The following PIGL variants were observed in gnomAD, a reference collection of about 807,000 sequenced individuals.
The protein encoded by PIGL is N-acetylglucosaminyl-phosphatidylinositol de-N-acetylase.
PIGL carries 22 observed loss-of-function variants against 31.1 expected under a neutral mutation model. That is an observed-to-expected ratio of 0.71 (90% CI 0.51 to 1.01). The LOEUF is 1.01. Among genes scored for constraint, PIGL ranks in the 50% least tolerant of loss-of-function variants. The pLI, the probability that PIGL is intolerant of heterozygous loss-of-function variation, is 0.00. For missense variants in PIGL, 302 were observed against 315.9 expected, an observed-to-expected ratio of 0.96 and a Z score of 0.33; for synonymous variants, 131 against 117.4, an observed-to-expected ratio of 1.12 and a Z score of -0.75.
At chr17:16,245,546 C>T (rs2092741492) in intron 2 of PIGL, among the ~76,000 whole-genome samples, 1 of 150,264 alleles carries the variant, frequency 6.7e-6, no homozygotes, top group South Asian at 2.1e-4. Context: ...CTTGCTCTAT[C>T]GCCAGGCTGG....
At chr17:16,302,243 G>T (rs779265759) in intron 3 of PIGL, among the ~76,000 whole-genome samples, 2 of 152,076 alleles carry the variant, frequency 1.3e-5, no homozygotes, top group Non-Finnish European at 2.9e-5. Context: ...CCAGCAGCTT[G>T]CAGGCCCCAC....
At chr17:16,292,475 C>T (rs2092965190) in intron 2 of PIGL, among the ~76,000 whole-genome samples, 1 of 151,050 alleles carries the variant, frequency 6.6e-6, no homozygotes, top group African/African-American at 2.4e-5. Context: ...TAGCAGAGTT[C>T]TTACAAGAGA....
intron 2 of PIGL, among the ~76,000 whole-genome samples, chr17:16,261,244 G>A (rs184910827): frequency 4.5e-4 from 69 of 152,144 alleles, no homozygotes; most frequent in African/African-American, 1.5e-3. Flanking sequence ...AGGCTGTTGC[G>A]TTGCCTGCTG....
intron 2 of PIGL, among the ~76,000 whole-genome samples, chr17:16,272,752 G>C (rs1257184647): frequency 6.6e-6 from 1 of 152,126 alleles, no homozygotes; most frequent in Non-Finnish European, 1.5e-5. Context: ...CCCCAATCCA[G>C]AAACCACTCT....
chr17:16,245,729 TAC>T (rs1190461155), intron 2 of PIGL, among the ~76,000 whole-genome samples: 1 of 150,586 alleles, frequency 6.6e-6, no homozygotes, highest in Non-Finnish European at 1.5e-5. Context: ...CATATATATA[TAC>T]ACACACACAT....
intron 6 of PIGL, among the ~76,000 whole-genome samples, chr17:16,320,229 G>GA (rs2093097775): frequency 1.6e-4 from 18 of 115,702 alleles, no homozygotes; most frequent in African/African-American, 6.3e-4. Context: ...AAGGAAGGAA[G>GA]GAAGGAAGGA....
At chr17:16,249,852 T>C (rs1471957118) in intron 2 of PIGL, among the ~76,000 whole-genome samples, 1 of 152,234 alleles carries the variant, frequency 6.6e-6, no homozygotes, top group Non-Finnish European at 1.5e-5. Flanking sequence ...CACAGGCCAG[T>C]ATCCTCTGGA....
At chr17:16,242,663 T>C (rs1483009675) in intron 2 of PIGL, among the ~76,000 whole-genome samples, 1 of 144,238 alleles carries the variant, frequency 6.9e-6, no homozygotes, top group African/African-American at 2.5e-5. Context: ...TTTTTTTTTT[T>C]TTTTTTTTGA....
intron 1 of PIGL, among the ~76,000 whole-genome samples, chr17:16,220,569 A>G (rs1464385429): frequency 3.4e-5 from 5 of 146,150 alleles, no homozygotes; most frequent in African/African-American, 1.3e-4. Context: ...GCTCACTGCA[A>G]CATCTGCCTC....
At chr17:16,269,590 G>A (rs957298188) in intron 2 of PIGL, among the ~76,000 whole-genome samples, 3 of 150,596 alleles carry the variant, frequency 2.0e-5, no homozygotes, top group Non-Finnish European at 2.9e-5. Flanking sequence ...GGCTAGGGTT[G>A]CAGTGAGCCT....
At chr17:16,279,630 GT>G (rs1365497786) in intron 2 of PIGL, 2 of 152,124 alleles carry the variant, frequency 1.3e-5, no homozygotes, top group Non-Finnish European at 2.9e-5. Context: ...CCTAAACTCT[GT>G]CCCCATTGTC....
At chr17:16,310,042 C>T (rs111485604) in intron 3 of PIGL, among the ~76,000 whole-genome samples, 2 of 131,562 alleles carry the variant, frequency 1.5e-5, no homozygotes, top group East Asian at 5.0e-4. Flanking sequence ...CGCACCACTG[C>T]ACTCTAGCTT....
intron 2 of PIGL, among the ~76,000 whole-genome samples, chr17:16,293,036 T>C (rs1007936693): frequency 6.6e-6 from 1 of 152,234 alleles, no homozygotes; most frequent in African/African-American, 2.4e-5. Context: ...GGCCTTGAGC[T>C]GATTAGGGTT....
At chr17:16,261,375 A>G (rs1421529629) in intron 2 of PIGL, among the ~76,000 whole-genome samples, 1 of 152,230 alleles carries the variant, frequency 6.6e-6, no homozygotes, top group Non-Finnish European at 1.5e-5. Flanking sequence ...AATTTATTGA[A>G]TATGACACCA....
At position 16,217,269 on chromosome 17, in the gene PIGL, G is replaced by C; in HGVS notation, c.43G>C (p.Ala15Pro). 1 of 1,614,222 alleles carries C rather than the reference G, an allele frequency of 6.2e-7. No homozygotes were observed. Among genetic ancestry groups the C allele is most frequent in the African/African-American group, 1.3e-5 (1 of 75,060 alleles). ...CCTGTGTGTGGCGTTGGCGGTCTTG[G>C]CATGGGGCTTCCTCTGGGTTTGGGA... The part of the protein sequence containing the change: ...WLLCVALAVL[A>P]WGFLWVWDSS... The change falls in exon 1 of 7, where the codon GCA becomes CCA. Residue 15 changes from alanine to proline, a missense_variant. Transcript: ENST00000225609.
At chr17:16,245,037 G>T (rs942290401) in intron 2 of PIGL, among the ~76,000 whole-genome samples, 7 of 151,726 alleles carry the variant, frequency 4.6e-5, no homozygotes, top group Admixed American at 6.6e-5. Context: ...TTGTTGCCCA[G>T]GCTGGAGTGT....
intron 2 of PIGL, among the ~76,000 whole-genome samples, chr17:16,268,172 G>A (rs1018378572): frequency 2.6e-5 from 4 of 152,162 alleles, no homozygotes; most frequent in African/African-American, 7.2e-5. Context: ...GACCTGAGCC[G>A]AGATGGGAAT....
At chr17:16,232,340 C>G (rs1403515151) in intron 1 of PIGL, among the ~76,000 whole-genome samples, 2 of 152,028 alleles carry the variant, frequency 1.3e-5, no homozygotes, top group African/African-American at 4.8e-5. Flanking sequence ...TCCACCACCC[C>G]AAAAGATTAT....
Position 16,303,226 on chromosome 17 carries a change from A to G in PIGL, c.426+3248A>G, listed in dbSNP as rs34707095. On this transcript the variant is annotated intron_variant, in intron 3 of 6. Transcript: ENST00000225609. ...GGCTCCGGCAGTATTTGCTGTGTGT[A>G]CTGCAACATATGTTGCTGTTTATTC... Among the ~76,000 whole-genome samples, 1,237 of 152,294 alleles carry G rather than the reference A, an allele frequency of 8.1e-3. 6 individuals are homozygous for G. The highest frequency in any genetic ancestry group is 0.013 in the Non-Finnish European group (884 of 68,034).
Sources: gnomAD v4.1 joint callset for allele counts (sites outside exome capture counted in the v4.1 genomes callset) on GRCh38, gnomAD v4.1.1 for gene constraint, MANE v1.5 for transcripts, NCBI Gene and HGNC (gene_info 2026-07-23, HGNC 2026-07-21) for gene names.